Variants in CLEC4A observed in about 807,000 individuals in gnomAD.
The protein encoded by CLEC4A is C-type lectin domain family 4 member A.
CLEC4A carries 27 observed loss-of-function variants against 32.7 expected under a neutral mutation model. The observed-to-expected ratio is 0.83, with a 90% CI of 0.61 to 1.14. CLEC4A has a LOEUF of 1.14. Among genes scored for constraint, CLEC4A ranks in the 50% most tolerant of loss-of-function variants. The pLI, the probability that CLEC4A is intolerant of heterozygous loss-of-function variation, is 0.00. For missense variants in CLEC4A, 253 were observed against 274.6 expected, an observed-to-expected ratio of 0.92 and a Z score of 0.55; for synonymous variants, 89 against 93.7, an observed-to-expected ratio of 0.95 and a Z score of 0.29.
the CLEC4A span, among the ~76,000 whole-genome samples, chr12:8,116,653 T>A: frequency 9.2e-5 from 14 of 152,296 alleles, no homozygotes; most frequent in Non-Finnish European, 1.8e-4. Context: ...CTTTACTGCT[T>A]TTGATTTTAT....
the CLEC4A span, among the ~76,000 whole-genome samples, chr12:8,105,853 G>A: frequency 6.6e-6 from 1 of 152,120 alleles, no homozygotes; most frequent in African/African-American, 2.4e-5. Flanking sequence ...TTTACTCTGT[G>A]AATAGTTTAT....
At chr12:8,125,348 C>A (rs1330071594) in intron 1 of CLEC4A, among the ~76,000 whole-genome samples, 1 of 152,022 alleles carries the variant, frequency 6.6e-6, no homozygotes, top group Non-Finnish European at 1.5e-5. Flanking sequence ...AACAGTTATC[C>A]TCAATTGTAG....
At chr12:8,129,117 T>C in intron 2 of CLEC4A, 147 bp from the exon 3 acceptor site, 1 of 581,186 alleles carries the variant, frequency 1.7e-6, no homozygotes. Flanking sequence ...GAGATATCTA[T>C]AGTTTCAGTA....
chr12:8,114,460 G>A, the CLEC4A span, among the ~76,000 whole-genome samples: 12 of 152,188 alleles, frequency 7.9e-5, no homozygotes, highest in African/African-American at 2.2e-4. Context: ...TAGCCAGGAT[G>A]GTCTCAATCT....
chr12:8,120,700 AT>A (rs1036373789), upstream of CLEC4A, among the ~76,000 whole-genome samples: 9 of 152,200 alleles, frequency 5.9e-5, no homozygotes, highest in Non-Finnish European at 1.0e-4. Context: ...GCCTTAGCAG[AT>A]CCTCTTTTAT....
the CLEC4A span, among the ~76,000 whole-genome samples, chr12:8,103,953 C>T: frequency 6.6e-6 from 1 of 152,108 alleles, no homozygotes; most frequent in African/African-American, 2.4e-5. Context: ...CCATGTATGT[C>T]TTCATTTTTA....
intron 3 of CLEC4A, chr12:8,134,142 C>T (rs1160722915): frequency 6.9e-6 from 11 of 1,605,096 alleles, no homozygotes; most frequent in African/African-American, 1.3e-5. Flanking sequence ...ACTTGGTTCT[C>T]GATACTGGTT....
the CLEC4A span, among the ~76,000 whole-genome samples, chr12:8,113,303 T>G: frequency 6.6e-6 from 1 of 152,134 alleles, no homozygotes; most frequent in Non-Finnish European, 1.5e-5. Context: ...AACTCATCAT[T>G]TTTTATGGCT....
intron 2 of CLEC4A, among the ~76,000 whole-genome samples, chr12:8,127,784 G>A (rs1221382741): frequency 6.6e-6 from 1 of 152,172 alleles, no homozygotes; most frequent in African/African-American, 2.4e-5. Flanking sequence ...GGGAAATAAG[G>A]GACCCAGAGA....
intron 3 of CLEC4A, chr12:8,134,724 C>G (rs1271176662): frequency 1.3e-6 from 2 of 1,565,546 alleles, no homozygotes; most frequent in African/African-American, 2.7e-5. Context: ...TCCTGGCCCT[C>G]CAGGAGGGCC....
At chr12:8,132,247 A>C (rs1948011207) in intron 3 of CLEC4A, among the ~76,000 whole-genome samples, 1 of 152,058 alleles carries the variant, frequency 6.6e-6, no homozygotes, top group South Asian at 2.1e-4. Flanking sequence ...CACATTGTAC[A>C]TTTCATGTCC....
chr12:8,136,931 T>G (rs1236612604), intron 5 of CLEC4A, 28 bp downstream of exon 5: 13 of 1,488,168 alleles, frequency 8.7e-6, no homozygotes, highest in Non-Finnish European at 1.2e-5. Flanking sequence ...TAAAAGAATC[T>G]TGGGTCCTGG....
the CLEC4A span, among the ~76,000 whole-genome samples, chr12:8,110,602 C>T: frequency 6.6e-6 from 1 of 152,168 alleles, no homozygotes; most frequent in South Asian, 2.1e-4. Context: ...TTTTGTGCCA[C>T]CACTGCACAG....
chr12:8,128,299 T>C (rs1947935192), intron 2 of CLEC4A, among the ~76,000 whole-genome samples: 1 of 152,052 alleles, frequency 6.6e-6, no homozygotes, highest in Non-Finnish European at 1.5e-5. Flanking sequence ...CCTAGGATAT[T>C]ACTGAGGATC....
At chr12:8,104,510 A>T in the CLEC4A span, among the ~76,000 whole-genome samples, 3 of 152,202 alleles carry the variant, frequency 2.0e-5, no homozygotes, top group Non-Finnish European at 4.4e-5. Flanking sequence ...TCTTCAAGAA[A>T]CAATCAAACC....
At chr12:8,119,449 C>T (rs1019741797), upstream of CLEC4A, among the ~76,000 whole-genome samples, 14 of 152,150 alleles carry the variant, frequency 9.2e-5, no homozygotes, top group Admixed American at 9.2e-4. Flanking sequence ...GTCTCGATCC[C>T]CTGACCTTAG....
chr12:8,112,478 C>T, the CLEC4A span, among the ~76,000 whole-genome samples: 1 of 152,012 alleles, frequency 6.6e-6, no homozygotes, highest in Non-Finnish European at 1.5e-5. Context: ...TCTATTTTGT[C>T]AACAGTTTAT....
the CLEC4A span, among the ~76,000 whole-genome samples, chr12:8,109,093 T>C: frequency 1.3e-5 from 2 of 152,174 alleles, no homozygotes; most frequent in Admixed American, 1.3e-4. Context: ...TTTTATTTTC[T>C]TTTTCAACAA....
chr12:8,123,929 G>T lies in CLEC4A; in HGVS notation c.51G>T (p.Lys17Asn). ...YAEVRFKNEFKSSGINTASSA... is the reference protein window; with the variant it reads ...YAEVRFKNEFNSSGINTASSA... ...AAGTGAGGTTCAAAAATGAATTCAA[G>T]TCCTCAGGCATCAACACAGCCTCTT... Residue 17 changes from lysine (K) to asparagine (N), a missense_variant, in exon 1 of 6, where the codon AAG (lysine) becomes AAT (asparagine). Transcript: ENST00000229332. The T allele has an allele frequency of 1.2e-6, 2 of 1,613,112 alleles. No homozygotes were observed. The highest frequency in any genetic ancestry group is 1.7e-6 in the Non-Finnish European group (2 of 1,179,050).
Sources: gnomAD v4.1 joint callset for allele counts (sites outside exome capture counted in the v4.1 genomes callset) on GRCh38, gnomAD v4.1.1 for gene constraint, MANE v1.5 for transcripts, NCBI Gene and HGNC (gene_info 2026-07-23, HGNC 2026-07-21) for gene names.